Variants in PHF24 observed in about 807,000 individuals in gnomAD.
The protein encoded by PHF24 is PHD finger protein 24, also known as Galpha inhibitory interacting protein.
PHF24 carries 25 observed loss-of-function variants against 42.6 expected under a neutral mutation model. The observed-to-expected ratio is 0.59, with a 90% CI of 0.43 to 0.82. The LOEUF is 0.82. Ranked by LOEUF, PHF24 falls within the 40% of genes least tolerant of loss-of-function variation. The pLI is 0.00. For synonymous variants in PHF24, 185 were observed against 204.8 expected, an observed-to-expected ratio of 0.90 and a Z score of 0.83; for missense variants, 470 against 538.1, an observed-to-expected ratio of 0.87 and a Z score of 1.25.
the PHF24 span, among the ~76,000 whole-genome samples, chr9:34,753,149 T>A: frequency 2.0e-5 from 3 of 152,120 alleles, no homozygotes; most frequent in African/African-American, 7.2e-5. Flanking sequence ...TTCACCATTG[T>A]ACTGGAAGTC....
chr9:34,821,727 C>A, the PHF24 span, among the ~76,000 whole-genome samples: 1 of 152,208 alleles, frequency 6.6e-6, no homozygotes, highest in Admixed American at 6.5e-5. Context: ...ATGAATTTTG[C>A]TCCATCATCA....
the PHF24 span, among the ~76,000 whole-genome samples, chr9:34,852,464 G>A: frequency 6.6e-6 from 1 of 152,160 alleles, no homozygotes; most frequent in Non-Finnish European, 1.5e-5. Flanking sequence ...ATGGGTCTGG[G>A]AGTAAAGAAC....
chr9:34,977,267 C>A, intron 6 of PHF24, 24 bp downstream of exon 6: 1 of 1,559,844 alleles, frequency 6.4e-7, no homozygotes, highest in South Asian at 1.2e-5. Flanking sequence ...CAGTCCTGGT[C>A]CCCACTCAGC....
the PHF24 span, among the ~76,000 whole-genome samples, chr9:34,698,215 C>CT: frequency 1.4e-5 from 2 of 146,922 alleles, no homozygotes; most frequent in Middle Eastern, 3.7e-3. Context: ...ACTGAATCCT[C>CT]TTGATTGGGT....
At chr9:34,779,004 C>T in the PHF24 span, among the ~76,000 whole-genome samples, 1 of 151,888 alleles carries the variant, frequency 6.6e-6, no homozygotes, top group African/African-American at 2.4e-5. Context: ...CAACATACTG[C>T]TAAATAAACA....
chr9:34,726,971 A>G, the PHF24 span: 2 of 1,547,746 alleles, frequency 1.3e-6, no homozygotes, highest in Non-Finnish European at 1.7e-6. Flanking sequence ...ACTTCTCTCC[A>G]GAGGAAGCCA....
the PHF24 span, chr9:34,726,819 T>C: frequency 1.9e-6 from 3 of 1,551,758 alleles, no homozygotes; most frequent in Non-Finnish European, 2.6e-6. Flanking sequence ...GTAGACAGCA[T>C]CTCTAGGCAA....
At chr9:34,873,261 A>G in the PHF24 span, among the ~76,000 whole-genome samples, 5 of 152,052 alleles carry the variant, frequency 3.3e-5, no homozygotes, top group Non-Finnish European at 5.9e-5. Context: ...TTGGTGTTTT[A>G]GACATGAAGT....
chr9:34,717,940 G>T, the PHF24 span, among the ~76,000 whole-genome samples: 1 of 152,180 alleles, frequency 6.6e-6, no homozygotes, highest in Admixed American at 6.5e-5. Context: ...GTTGACTTTT[G>T]TCTTTTTCTG....
chr9:34,831,764 T>C, the PHF24 span, among the ~76,000 whole-genome samples: 2 of 152,180 alleles, frequency 1.3e-5, no homozygotes, highest in African/African-American at 2.4e-5. Flanking sequence ...TACTGTCATC[T>C]CATTCCAGGA....
At chr9:34,912,115 C>G in the PHF24 span, among the ~76,000 whole-genome samples, 3 of 152,246 alleles carry the variant, frequency 2.0e-5, no homozygotes, top group Non-Finnish European at 4.4e-5. Context: ...AAGACCAGCC[C>G]TGGTCATACG....
At chr9:34,782,784 G>A in the PHF24 span, among the ~76,000 whole-genome samples, 2 of 152,092 alleles carry the variant, frequency 1.3e-5, no homozygotes, top group African/African-American at 4.8e-5. Flanking sequence ...TGTTTGATTG[G>A]GAGAGGCCTA....
chr9:34,673,298 G>A, the PHF24 span, among the ~76,000 whole-genome samples: 2 of 151,310 alleles, frequency 1.3e-5, no homozygotes, highest in Non-Finnish European at 2.9e-5. Context: ...AGGTTGCAGT[G>A]AGCCGAGATC....
the PHF24 span, among the ~76,000 whole-genome samples, chr9:34,840,947 T>G: frequency 2.0e-5 from 3 of 152,112 alleles, no homozygotes; most frequent in Non-Finnish European, 4.4e-5. Flanking sequence ...ATTTTCAATG[T>G]TTATATTGCC....
the PHF24 span, among the ~76,000 whole-genome samples, chr9:34,886,514 T>G: frequency 6.6e-6 from 1 of 152,206 alleles, no homozygotes; most frequent in Admixed American, 6.5e-5. Flanking sequence ...TGTCATTCCA[T>G]TGGTCACCTT....
At chr9:34,857,972 G>GTT in the PHF24 span, among the ~76,000 whole-genome samples, 1,802 of 95,906 alleles carry the variant, frequency 0.019, 24 homozygotes, top group Middle Eastern at 0.058. Flanking sequence ...TGTTTCTCTG[G>GTT]TTTTTTTTTT....
chr9:34,758,714 C>A, the PHF24 span, among the ~76,000 whole-genome samples: 13 of 152,084 alleles, frequency 8.5e-5, no homozygotes, highest in Non-Finnish European at 2.9e-5. This position sits in a 1 kb window ranked among gnomAD's most constrained non-coding sequence, Gnocchi z 4.4. Context: ...GGGGGATAGG[C>A]AGTACACATC....
chr9:34,723,091 T>C, the PHF24 span: 3 of 991,782 alleles, frequency 3.0e-6, no homozygotes, highest in Non-Finnish European at 4.4e-6. Context: ...GTGGCATCTG[T>C]CCCACCTGCA....
the PHF24 span, among the ~76,000 whole-genome samples, chr9:34,848,892 T>G: frequency 2.0e-5 from 3 of 152,194 alleles, no homozygotes; most frequent in Non-Finnish European, 2.9e-5. Context: ...TTGTTCAGTT[T>G]CCATGTAGTT....
Sources: allele counts gnomAD v4.1 joint callset (sites outside exome capture counted in the v4.1 genomes callset), GRCh38; gene constraint gnomAD v4.1.1; non-coding constraint Gnocchi (gnomAD v3.1); transcripts MANE v1.5; gene names NCBI Gene and HGNC (gene_info 2026-07-23, HGNC 2026-07-21).